ABCB4: variants seen among roughly 807,000 people sequenced by gnomAD.
ABCB4 encodes the protein ATP binding cassette subfamily B member 4.
A neutral mutation model predicts 145.7 loss-of-function variants in ABCB4; 76 were observed. That is an observed-to-expected ratio of 0.52 (90% CI 0.43 to 0.63). ABCB4 has a LOEUF of 0.63. Ranked by LOEUF, ABCB4 falls within the 30% of genes least tolerant of loss-of-function variation. The pLI, the probability that ABCB4 is intolerant of heterozygous loss-of-function variation, is 0.00. For missense variants in ABCB4, 1,234 were observed against 1,553.1 expected (o/e 0.79, Z 3.45); for synonymous variants, 517 against 566.8 (o/e 0.91, Z 1.25).
intron 3 of ABCB4, among the ~76,000 whole-genome samples, chr7:87,465,211 G>T (rs1812777094): frequency 6.6e-6 from 1 of 152,190 alleles, no homozygotes; most frequent in Non-Finnish European, 1.5e-5. Context: ...TTAGCAAACG[G>T]CACATCAGGA....
At chr7:87,376,052 C>T in the ABCB4 span, 6 of 1,162,554 alleles carry the variant, frequency 5.2e-6, no homozygotes, top group Non-Finnish European at 7.1e-6. Context: ...TACCTTTAGG[C>T]TCTTGAAACT....
At chr7:87,417,063 G>T (rs1353461800) in intron 21 of ABCB4, among the ~76,000 whole-genome samples, 2 of 152,208 alleles carry the variant, frequency 1.3e-5, no homozygotes, top group East Asian at 3.8e-4. Context: ...AATGCACTTT[G>T]AATATTCAGA....
chr7:87,472,833 C>G, intron 2 of ABCB4, among the ~76,000 whole-genome samples, 158 bp from the exon 3 acceptor site: 1 of 152,110 alleles, frequency 6.6e-6, no homozygotes, highest in Non-Finnish European at 1.5e-5. Flanking sequence ...ACAAACATAG[C>G]AAGCACAAAA....
downstream of ABCB4, chr7:87,398,545 C>T (rs1458951322): frequency 5.6e-6 from 9 of 1,613,788 alleles, no homozygotes; most frequent in Non-Finnish European, 8.5e-7. Context: ...CCTGTTCAGC[C>T]TGGAAATCCT....
intron 6 of ABCB4, chr7:87,452,375 T>A (rs1584764780): frequency 6.5e-6 from 1 of 152,990 alleles, no homozygotes; most frequent in Admixed American, 6.2e-5. Context: ...GTCTTGCTTT[T>A]CCCTTTTTTT....
intron 23 of ABCB4, 48 bp downstream of exon 23, chr7:87,411,845 A>G: frequency 6.3e-7 from 1 of 1,584,372 alleles, no homozygotes; most frequent in Non-Finnish European, 8.6e-7. Context: ...GCATAAACCT[A>G]CTAAAACCTT....
At position 87,462,766 on chromosome 7, in the gene ABCB4, G is replaced by A; in HGVS notation, c.278C>T (p.Ser93Phe). The A allele has an allele frequency of 6.2e-7, 1 of 1,613,872 alleles. No individual in the cohort carries two copies. The highest frequency in any genetic ancestry group is 1.1e-5 in the South Asian group (1 of 91,066). The change falls in exon 4 of 28, where the codon TCC (serine) becomes TTC (phenylalanine). Residue 93 changes from serine to phenylalanine, a missense_variant. Transcript: ENST00000649586. ...GGTAAAGAAATGCTTACCTGGAAAG[G>A]AGAAGTTTCCTGCAGTATCAACAAA... ...DKFVDTAGNF[S>F]FPVNFSLSLL...
intron 27 of ABCB4, 123 bp from the exon 28 acceptor site, chr7:87,402,425 G>C (rs975167398): frequency 5.0e-6 from 6 of 1,199,128 alleles, no homozygotes; most frequent in Non-Finnish European, 7.2e-6. Context: ...TAGAATCTTT[G>C]AACTTTATGC....
chr7:87,431,430 C>A lies in ABCB4; in HGVS notation c.1867G>T (p.Val623Leu), dbSNP rs1329574041. Reference sequence around the variant, plus strand: ...TGCATGTTGACAAGTTTGAAGTACACCCCTTCCTTCTTCATCAGTTCGCTG... The same window carrying A: ...TGCATGTTGACAAGTTTGAAGTACAACCCTTCCTTCTTCATCAGTTCGCTG... ...SHSELMKKEG[V>L]YFKLVNMQTS... Residue 623 changes from valine to leucine, a missense_variant, in exon 15 of 28, where the codon GTG becomes TTG. Physicochemically the swap from Val to Leu is conservative, Grantham distance 32. Coordinates refer to ENST00000649586, the MANE Select transcript of ABCB4 (RefSeq NM_000443.4). The A allele has an allele frequency of 3.1e-6, 5 of 1,614,066 alleles. No homozygotes were observed. Among genetic ancestry groups the A allele is most frequent in the South Asian group, 1.1e-5 (1 of 91,080 alleles).
At chr7:87,448,686 G>A (rs1018663322) in intron 8 of ABCB4, 4 of 152,250 alleles carry the variant, frequency 2.6e-5, no homozygotes, top group Non-Finnish European at 5.9e-5. Flanking sequence ...TCCAACTGAG[G>A]GTTAGTGTGG....
chr7:87,383,106 G>A, the ABCB4 span, among the ~76,000 whole-genome samples: 1,316 of 152,200 alleles, frequency 8.6e-3, 32 homozygotes, highest in African/African-American at 0.03. Flanking sequence ...TTACGTCTTC[G>A]TGTGGGGAAT....
Position 87,450,108 on chromosome 7 carries a change from A to AGG in ABCB4, c.709-17_709-16insCC. ...CCGAGAGTATCTGGACAGAAAAGAA[A>AGG]CAGTGATCACTTTTGTATAGGGAGA... On this transcript the variant is annotated splice_polypyrimidine_tract_variant and intron_variant, in intron 7 of 27. Transcript: ENST00000649586. The AGG allele has an allele frequency of 1.2e-6, 2 of 1,613,770 alleles. No individual in the cohort carries two copies. The highest frequency in any genetic ancestry group is 4.5e-5 in the East Asian group (2 of 44,878).
chr7:87,475,178 C>A (rs1004912386), intron 2 of ABCB4, among the ~76,000 whole-genome samples: 1 of 152,256 alleles, frequency 6.6e-6, no homozygotes, highest in Non-Finnish European at 1.5e-5. Flanking sequence ...CTTCCTGAAT[C>A]TGTTCCAAAA....
intron 15 of ABCB4, among the ~76,000 whole-genome samples, chr7:87,427,164 T>C (rs1344756774): frequency 1.3e-5 from 2 of 152,026 alleles, no homozygotes; most frequent in East Asian, 3.9e-4. Flanking sequence ...TTTCTAAAAA[T>C]TTAAAGACAC....
intron 14 of ABCB4, among the ~76,000 whole-genome samples, chr7:87,433,681 T>TTTTG (rs1207670489): frequency 1.0e-4 from 15 of 150,022 alleles, no homozygotes; most frequent in Non-Finnish European, 1.3e-4. Flanking sequence ...TGTTGTTTTT[T>TTTTG]TTTTTTTTTT....
chr7:87,447,284 G>A, intron 8 of ABCB4, 79 bp from the exon 9 acceptor site: 1 of 1,407,428 alleles, frequency 7.1e-7, no homozygotes, highest in East Asian at 2.3e-5. Context: ...CTCCTATATA[G>A]TTGGAGGTTT....
At chr7:87,435,393 C>T (rs1053515329) in intron 14 of ABCB4, among the ~76,000 whole-genome samples, 1 of 152,214 alleles carries the variant, frequency 6.6e-6, no homozygotes, top group Admixed American at 6.5e-5. Flanking sequence ...CTCCTCATAT[C>T]TGGGCAGGCC....
chr7:87,405,758 T>C (rs1482271799), intron 26 of ABCB4, among the ~76,000 whole-genome samples: 1 of 152,142 alleles, frequency 6.6e-6, no homozygotes, highest in East Asian at 1.9e-4. Flanking sequence ...TGAATCCCCA[T>C]CTGCAATACA....
chr7:87,413,533 G>T, intron 22 of ABCB4, 84 bp downstream of exon 22: 2 of 907,552 alleles, frequency 2.2e-6, no homozygotes, highest in Admixed American at 1.7e-5. Context: ...GTTTGGAGCA[G>T]CAGAGCTTTT....
Sources: allele counts gnomAD v4.1 joint callset (sites outside exome capture counted in the v4.1 genomes callset), GRCh38; gene constraint gnomAD v4.1.1; transcripts MANE v1.5; gene names NCBI Gene and HGNC (gene_info 2026-07-23, HGNC 2026-07-21).